Variants in LPP observed in about 807,000 individuals in gnomAD.
LPP encodes lipoma-preferred partner.
Under a neutral mutation model 60.4 loss-of-function variants are expected in LPP, and 38 were observed. That is an observed-to-expected ratio of 0.63 (90% CI 0.49 to 0.83). The LOEUF is 0.83. Ranked by LOEUF, LPP falls within the 40% of genes least tolerant of loss-of-function variation. The pLI, the probability that LPP is intolerant of heterozygous loss-of-function variation, is 0.00. For missense variants in LPP, 902 were observed against 783.6 expected, an observed-to-expected ratio of 1.15 and a Z score of -1.80; for synonymous variants, 328 against 290.8, an observed-to-expected ratio of 1.13 and a Z score of -1.30.
chr3:188,722,899 G>A (rs1417934783), intron 8 of LPP, among the ~76,000 whole-genome samples: 1 of 152,126 alleles, frequency 6.6e-6, no homozygotes, highest in African/African-American at 2.4e-5. Flanking sequence ...TGATTAGTGT[G>A]TAATAATCAT....
chr3:188,279,828 G>A (rs79650876), intron 2 of LPP, among the ~76,000 whole-genome samples: 20,043 of 152,166 alleles, frequency 0.13, 1,704 homozygotes, highest in Middle Eastern at 0.26. Flanking sequence ...TTTTGCTCTT[G>A]TCAGCTGAAA....
In LPP at chr3:188,609,061, A is replaced by G. The variant is rs1038953546; in HGVS notation, c.430-100A>G. On this transcript the variant is annotated intron_variant, in intron 6 of 11. Transcript: ENST00000617246. The surrounding 1 kb of genome is among the most constrained non-coding windows in gnomAD (Gnocchi z 6.9). ...TGTGTTCTACATAGTAATAAATAATAATTAGCAGTTATTAATATTTTTCAT... is the reference window on the plus strand; with the variant it reads ...TGTGTTCTACATAGTAATAAATAATGATTAGCAGTTATTAATATTTTTCAT... The G allele has an allele frequency of 2.2e-5, 19 of 869,074 alleles. No homozygotes were observed. The highest frequency in any genetic ancestry group is 3.0e-5 in the Non-Finnish European group (17 of 565,818). 53.8% of individuals were successfully genotyped at this position (869,074 alleles called of 1,614,324 possible).
Position 188,463,019 on chromosome 3 carries a change from T to G in LPP, c.194-21573T>G, listed in dbSNP as rs150513408. Among the ~76,000 whole-genome samples, 696 of 152,168 alleles carry G rather than the reference T, an allele frequency of 4.6e-3. 7 individuals carry two copies. Among genetic ancestry groups the G allele is most frequent in the African/African-American group, 0.016 (674 of 41,526 alleles). Reference sequence around the variant, plus strand: ...TTCTTGGGAGGCTGAGGCAGGAGAATTGCTTGAACCAGGAGGCAGAGGCTG... The same window carrying G: ...TTCTTGGGAGGCTGAGGCAGGAGAAGTGCTTGAACCAGGAGGCAGAGGCTG... On this transcript the variant is annotated intron_variant, in intron 4 of 11. Transcript: ENST00000617246.
At chr3:188,663,924 G>A (rs962874827) in intron 7 of LPP, among the ~76,000 whole-genome samples, 7 of 152,180 alleles carry the variant, frequency 4.6e-5, no homozygotes, top group Non-Finnish European at 7.3e-5. Flanking sequence ...GACAGGAGGC[G>A]GAGCTCCGGC....
intron 3 of LPP, among the ~76,000 whole-genome samples, chr3:188,349,247 A>G (rs958275669): frequency 1.3e-5 from 2 of 152,134 alleles, no homozygotes; most frequent in Non-Finnish European, 2.9e-5. Flanking sequence ...TTAATCAGTT[A>G]TTTTTGCTTT....
intron 9 of LPP, among the ~76,000 whole-genome samples, chr3:188,773,042 C>T (rs933728489): frequency 2.0e-5 from 3 of 152,032 alleles, no homozygotes; most frequent in East Asian, 1.9e-4. Flanking sequence ...AGCTTCCAGC[C>T]GTAGAATGAT....
At chr3:188,622,561 CTTTT>C (rs1189623124) in intron 7 of LPP, among the ~76,000 whole-genome samples, 1 of 151,736 alleles carries the variant, frequency 6.6e-6, no homozygotes, top group East Asian at 1.9e-4. Context: ...TATATTACTG[CTTTT>C]TTTTAAGTTT....
chr3:188,354,002 T>A (rs1486168932), intron 3 of LPP, among the ~76,000 whole-genome samples: 1 of 152,152 alleles, frequency 6.6e-6, no homozygotes, highest in Non-Finnish European at 1.5e-5. Context: ...CAGGAATTTT[T>A]AAATGCTACA....
intron 7 of LPP, among the ~76,000 whole-genome samples, chr3:188,617,995 CCAAA>C (rs1371014465): frequency 1.3e-5 from 2 of 152,134 alleles, no homozygotes; most frequent in Non-Finnish European, 2.9e-5. Flanking sequence ...CTCTTCTTCA[CCAAA>C]CAAAGAAATT....
chr3:188,820,386 C>A (rs1753648089), intron 9 of LPP, among the ~76,000 whole-genome samples: 1 of 151,936 alleles, frequency 6.6e-6, no homozygotes, highest in African/African-American at 2.4e-5. Context: ...AATATTTGTA[C>A]ATTTACTTTG....
intron 7 of LPP, among the ~76,000 whole-genome samples, chr3:188,616,170 G>A (rs1844812629): frequency 6.6e-6 from 1 of 152,142 alleles, no homozygotes; most frequent in Non-Finnish European, 1.5e-5. Flanking sequence ...CCTGTGTCCT[G>A]AATGGTACTG....
intron 2 of LPP, among the ~76,000 whole-genome samples, chr3:188,261,659 G>T (rs915440362): frequency 2.0e-5 from 3 of 151,982 alleles, no homozygotes; most frequent in African/African-American, 4.8e-5. Context: ...TGTAATTCCA[G>T]CAGTTTGGGA....
At chr3:188,575,055 C>G (rs1314109027) in intron 6 of LPP, among the ~76,000 whole-genome samples, 1 of 152,046 alleles carries the variant, frequency 6.6e-6, no homozygotes, top group African/African-American at 2.4e-5. Context: ...GAAGGTTTCC[C>G]CATCCTTAAT....
intron 7 of LPP, among the ~76,000 whole-genome samples, chr3:188,657,680 A>C (rs1431369877): frequency 6.6e-6 from 1 of 152,020 alleles, no homozygotes; most frequent in East Asian, 1.9e-4. Flanking sequence ...AGTTTGTCCA[A>C]CCTAAACAAA....
intron 8 of LPP, among the ~76,000 whole-genome samples, chr3:188,721,630 A>G (rs556762430): frequency 4.9e-4 from 74 of 152,364 alleles, no homozygotes; most frequent in Non-Finnish European, 9.6e-4. Flanking sequence ...AAATGTGGAT[A>G]TCATTCAACA....
chr3:188,771,093 A>G (rs577844338), intron 9 of LPP, among the ~76,000 whole-genome samples: 1 of 152,304 alleles, frequency 6.6e-6, no homozygotes, highest in African/African-American at 2.4e-5. Flanking sequence ...ATACTGTAGA[A>G]TTCATTAATT....
At chr3:188,245,922 T>C (rs6778034) in intron 2 of LPP, among the ~76,000 whole-genome samples, 91,975 of 152,040 alleles carry the variant, frequency 0.6, 28,182 homozygotes, top group Middle Eastern at 0.69. Context: ...GTGAATGCTT[T>C]TTATTTTATC....
intron 7 of LPP, among the ~76,000 whole-genome samples, chr3:188,619,067 C>T (rs1222041553): frequency 6.6e-6 from 1 of 152,018 alleles, no homozygotes; most frequent in African/African-American, 2.4e-5. Context: ...TCTTGTCGCC[C>T]AGGCTGGAGT....
intron 2 of LPP, among the ~76,000 whole-genome samples, chr3:188,322,234 T>TC (rs1397405128): frequency 6.6e-6 from 1 of 152,230 alleles, no homozygotes; most frequent in African/African-American, 2.4e-5. Context: ...TAGATACTTT[T>TC]CACTGGGTGG....
Sources: allele counts gnomAD v4.1 joint callset (sites outside exome capture counted in the v4.1 genomes callset), GRCh38; gene constraint gnomAD v4.1.1; non-coding constraint Gnocchi (gnomAD v3.1); transcripts MANE v1.5; gene names NCBI Gene and HGNC (gene_info 2026-07-23, HGNC 2026-07-21).